The following STK38L variants were observed in gnomAD, a reference collection of about 807,000 sequenced individuals.
The protein encoded by STK38L is serine/threonine kinase 38 like, also known as serine/threonine-protein kinase 38-like.
Under a neutral mutation model 59.7 loss-of-function variants are expected in STK38L, and 28 were observed. That is an observed-to-expected ratio of 0.47 (90% confidence interval 0.35 to 0.64). The LOEUF (loss-of-function observed/expected upper bound fraction) is 0.64, where lower values mean the gene tolerates loss of function less well. Among genes scored for constraint, STK38L ranks in the 30% least tolerant of loss-of-function variants. The pLI is 0.01. For synonymous variants in STK38L, 162 were observed against 176.8 expected (o/e 0.92, Z 0.66); for missense variants, 314 against 555.8 (o/e 0.56, Z 4.37).
At position 27,317,999 on chromosome 12, in the gene STK38L, A is replaced by G. The variant is rs778767565; in HGVS notation, c.1059A>G (p.Lys353=). ...CTCCAGAGGTACCTATATCTGAGAAAGCCAAGGACTTAATTCTCAGGTTAG... is the reference window on the plus strand; with the variant it reads ...CTCCAGAGGTACCTATATCTGAGAAGGCCAAGGACTTAATTCTCAGGTTAG... ...VFPPEVPISE[K]AKDLILRFCI... is the part of the protein sequence containing the mutation. The change falls in exon 11 of 14, where the codon AAA becomes AAG. Residue 353 remains lysine (K), a synonymous_variant. Coordinates refer to ENST00000389032, the MANE Select transcript of STK38L (RefSeq NM_015000.4). 1 of 1,613,908 alleles carries G rather than the reference A, an allele frequency of 6.2e-7. No individual in the cohort carries two copies. Among genetic ancestry groups the G allele is most frequent in the African/African-American group, 1.3e-5 (1 of 74,934 alleles).
intron 1 of STK38L, among the ~76,000 whole-genome samples, chr12:27,294,879 TAA>T (rs547338879): frequency 4.4e-5 from 6 of 134,980 alleles, no homozygotes; most frequent in Admixed American, 7.5e-5. Context: ...CCTAGCTAAG[TAA>T]AAAAAAAAAA....
intron 3 of STK38L, among the ~76,000 whole-genome samples, chr12:27,304,343 A>G (rs1471225523): frequency 1.3e-5 from 2 of 151,910 alleles, no homozygotes; most frequent in South Asian, 4.1e-4. Context: ...ATCAGTATCT[A>G]ATCTTCCCTG....
In STK38L at chr12:27,324,730, T is replaced by C. The variant is rs1944802518; in HGVS notation, c.*2275T>C. The C allele has an allele frequency of 6.6e-6, 1 of 152,108 alleles. No homozygotes were observed. Among genetic ancestry groups the C allele is most frequent in the African/African-American group, 2.4e-5 (1 of 41,458 alleles). The allele number at this position is 152,108 out of a possible 1,614,324, so 9.4% of individuals were successfully genotyped here. On this transcript the variant is annotated 3_prime_UTR_variant, in exon 14 of 14. Coordinates refer to ENST00000389032, the MANE Select transcript of STK38L (RefSeq NM_015000.4). Reference sequence around the variant, plus strand: ...GGGGTTTTCTCCTCATCAAAAGCATTTCTTAAGTGCCTATCTAAAAGCAAT... The same window carrying C: ...GGGGTTTTCTCCTCATCAAAAGCATCTCTTAAGTGCCTATCTAAAAGCAAT...
At chr12:27,291,793 A>ATAG (rs1174092790) in intron 1 of STK38L, among the ~76,000 whole-genome samples, 1 of 152,232 alleles carries the variant, frequency 6.6e-6, no homozygotes, top group Non-Finnish European at 1.5e-5. Flanking sequence ...ACAAGGCAAT[A>ATAG]TAGTAGCATT....
rs1944363520 is a variant in STK38L at position 27,308,257 on chromosome 12, G to A, written c.187-82G>A. 1.3e-5 allele frequency: 17 copies of A among 1,270,170 alleles called. No homozygotes were observed. Among genetic ancestry groups the A allele is most frequent in the Middle Eastern group, 2.5e-4 (1 of 4,070 alleles). The allele number at this position is 1,270,170 out of a possible 1,614,324, so 78.7% of individuals were successfully genotyped here. ...TATTAGTGCTATCATTTATTTTTAC[G>A]TGTATCATCTTTTAATACTAGAAGC... On this transcript the variant is annotated intron_variant, in intron 3 of 13. Transcript: ENST00000389032. This position sits in a 1 kb window ranked among gnomAD's most constrained non-coding sequence, Gnocchi z 4.5.
chr12:27,266,744 G>A (rs1389071267), intron 1 of STK38L, among the ~76,000 whole-genome samples: 1 of 152,140 alleles, frequency 6.6e-6, no homozygotes, highest in Non-Finnish European at 1.5e-5. Flanking sequence ...ATTCAATCTG[G>A]TGTGGCCCTC....
intron 1 of STK38L, among the ~76,000 whole-genome samples, chr12:27,258,791 A>G (rs1441208002): frequency 6.6e-6 from 1 of 151,828 alleles, no homozygotes; most frequent in Non-Finnish European, 1.5e-5. Flanking sequence ...CCTTTTTTTC[A>G]TTATTCTCTC....
chr12:27,279,524 A>G (rs1943607296), intron 1 of STK38L, among the ~76,000 whole-genome samples: 2 of 152,064 alleles, frequency 1.3e-5, no homozygotes, highest in African/African-American at 4.8e-5. Flanking sequence ...CAGGCGTTCA[A>G]GACCACCCTG....
chr12:27,266,169 C>T lies in STK38L; in HGVS notation c.-12+21837C>T, dbSNP rs866847204. 2.6e-5 allele frequency among the ~76,000 whole-genome samples: 4 copies of T among 152,198 alleles called. No homozygotes were observed. The South Asian group carries it at 6.2e-4, about 24-fold the overall frequency. On this transcript the variant is annotated intron_variant, in intron 1 of 13. Coordinates refer to ENST00000389032, the MANE Select transcript of STK38L (RefSeq NM_015000.4). ...ATTGTTGCCACTCAGAAGTTAGCTT[C>T]CAAAAGAAATAAGTGTGTGCAAAGG...
intron 3 of STK38L, among the ~76,000 whole-genome samples, chr12:27,307,003 A>G (rs1300357852): frequency 6.6e-6 from 1 of 152,232 alleles, no homozygotes; most frequent in African/African-American, 2.4e-5. Context: ...TGCTGGGATT[A>G]TAGGCGTGAG....
At chr12:27,246,776 C>G (rs1344105433) in intron 1 of STK38L, among the ~76,000 whole-genome samples, 1 of 152,100 alleles carries the variant, frequency 6.6e-6, no homozygotes, top group Non-Finnish European at 1.5e-5. Flanking sequence ...CCTTCTGTCT[C>G]CAGGTAAAAG....
At chr12:27,265,725 G>A (rs1269432361) in intron 1 of STK38L, among the ~76,000 whole-genome samples, 1 of 152,184 alleles carries the variant, frequency 6.6e-6, no homozygotes, top group Non-Finnish European at 1.5e-5. Context: ...TGTAATGAAA[G>A]TATTGGCCAT....
intron 3 of STK38L, among the ~76,000 whole-genome samples, chr12:27,305,195 C>T (rs1259436091): frequency 1.3e-5 from 2 of 152,238 alleles, no homozygotes; most frequent in Non-Finnish European, 2.9e-5. Context: ...AACCAATCAC[C>T]TGCTTTTGAA....
chr12:27,294,744 G>C (rs1429572776), intron 1 of STK38L, among the ~76,000 whole-genome samples: 1 of 147,456 alleles, frequency 6.8e-6, no homozygotes, highest in Non-Finnish European at 1.5e-5. Flanking sequence ...ACAGGGTCTT[G>C]CTCCATCACC....
In STK38L at chr12:27,312,542, C is replaced by A; in HGVS notation, c.394-7C>A. On this transcript the variant is annotated splice_region_variant and splice_polypyrimidine_tract_variant and intron_variant, in intron 5 of 13. Transcript: ENST00000389032. Reference sequence around the variant, plus strand: ...CAATTATTTTTTTCAAAAATATATTCATCTAGGTGGCCCATATCCGAGCAG... The same window carrying A: ...CAATTATTTTTTTCAAAAATATATTAATCTAGGTGGCCCATATCCGAGCAG... 1 of 1,611,332 alleles carries A rather than the reference C, an allele frequency of 6.2e-7. No homozygotes were observed. The highest frequency in any genetic ancestry group is 8.5e-7 in the Non-Finnish European group (1 of 1,179,324).
At chr12:27,311,944 A>C (rs770372758) in intron 5 of STK38L, among the ~76,000 whole-genome samples, 1 of 151,950 alleles carries the variant, frequency 6.6e-6, no homozygotes, top group African/African-American at 2.4e-5. Context: ...CAGTGACGCA[A>C]TCTCGGCTCA....
At position 27,322,309 on chromosome 12, in the gene STK38L, T is replaced by G; in HGVS notation, c.1268-19T>G. The stretch of plus-strand genomic sequence containing the variant: ...ATGGCATTTCACTAATGAAATTCCT[T>G]TATTTTTTCTCTTTCTAGTGCCAAA... On this transcript the variant is annotated intron_variant, in intron 13 of 13. Coordinates refer to ENST00000389032, the MANE Select transcript of STK38L (RefSeq NM_015000.4). 1.2e-6 allele frequency: 2 copies of G among 1,613,196 alleles called. No individual in the cohort carries two copies. The highest frequency in any genetic ancestry group is 2.2e-5 in the East Asian group (1 of 44,872).
In STK38L at chr12:27,283,273, T is replaced by C. The variant is rs74709256; in HGVS notation, c.-11-14437T>C. Among the ~76,000 whole-genome samples, 49 of 152,328 alleles carry C rather than the reference T, an allele frequency of 3.2e-4. No individual in the cohort carries two copies. In the East Asian group the frequency reaches 8.9e-3, roughly 28 times the overall value. The stretch of plus-strand genomic sequence containing the variant: ...TATTGAGACTATGTGTGTGTGTTTA[T>C]GCATTAAAGTTTTGGAAGGACATAG... On this transcript the variant is annotated intron_variant, in intron 1 of 13. Coordinates refer to ENST00000389032, the MANE Select transcript of STK38L (RefSeq NM_015000.4).
intron 5 of STK38L, 121 bp from the exon 6 acceptor site, chr12:27,312,428 C>T (rs1944477955): frequency 1.9e-6 from 2 of 1,067,824 alleles, no homozygotes; most frequent in African/African-American, 1.6e-5. Flanking sequence ...ATACATGTAT[C>T]AAATCTTCTG....
Sources: gnomAD v4.1 joint callset for allele counts (sites outside exome capture counted in the v4.1 genomes callset) on GRCh38, gnomAD v4.1.1 for gene constraint, Gnocchi (gnomAD v3.1) non-coding constraint, MANE v1.5 for transcripts, NCBI Gene and HGNC (gene_info 2026-07-23, HGNC 2026-07-21) for gene names.